SPRED2: variants seen among roughly 807,000 people sequenced by gnomAD.
The protein encoded by SPRED2 is sprouty related EVH1 domain containing 2.
A neutral mutation model predicts 43.0 loss-of-function variants in SPRED2; 47 were observed. The observed-to-expected ratio is 1.09, with a 90% CI of 0.87 to 1.40. SPRED2 has a LOEUF of 1.40. SPRED2 is among the 40% of genes most tolerant of loss of function. The pLI is 0.00. For missense variants in SPRED2, 561 were observed against 586.4 expected, an observed-to-expected ratio of 0.96 and a Z score of 0.45; for synonymous variants, 225 against 225.7, an observed-to-expected ratio of 1.00 and a Z score of 0.03.
intron 1 of SPRED2, among the ~76,000 whole-genome samples, chr2:65,363,001 TTTTG>T (rs1354469510): frequency 5.5e-5 from 4 of 73,006 alleles, no homozygotes; most frequent in African/African-American, 3.3e-4. Flanking sequence ...GGTCATCATG[TTTTG>T]TTTTTTTTTT....
rs748633096 is a variant in SPRED2, at chr2:65,431,983, G to A, written c.5C>T (p.Thr2Ile). Residue 2 changes from threonine to isoleucine, a missense_variant, in exon 1 of 6, where the codon ACC (threonine) becomes ATC (isoleucine). Thr to Ile is a moderately conservative substitution (Grantham distance 89). Around this residue, in one of 6 missense-constraint regions of SPRED2, gnomAD observed 305 missense variants for 282.4 expected, o/e 1.08. Transcript: ENST00000356388. M[T>I]EETHPDDDSY... ...TTACTCGTCTGGGTGTGTTTCTTCG[G>A]TCATTTTCTTGTTCACCTAGACGCC... The A allele has an allele frequency of 1.2e-6, 2 of 1,613,980 alleles. No individual in the cohort carries two copies. The highest frequency in any genetic ancestry group is 2.2e-5 in the South Asian group (2 of 91,086).
At position 65,382,452 on chromosome 2, in the gene SPRED2, AC is replaced by A. The variant is rs532234213; in HGVS notation, c.27-37557del. 4.0e-3 allele frequency among the ~76,000 whole-genome samples: 611 copies of A among 152,104 alleles called. 4 individuals are homozygous for A. Among genetic ancestry groups the A allele is most frequent in the African/African-American group, 0.014 (589 of 41,476 alleles). Reference sequence around the variant, plus strand: ...GGCAGTCTAGGGTTAGGGCTGGGTAACCCCCCCTCAGCCAGACCACTAAGGA... The same window carrying A: ...GGCAGTCTAGGGTTAGGGCTGGGTAACCCCCCTCAGCCAGACCACTAAGGA... On this transcript the variant is annotated intron_variant, in intron 1 of 5. Transcript: ENST00000356388.
chr2:65,429,893 A>C (rs1238022935), intron 1 of SPRED2, among the ~76,000 whole-genome samples: 1 of 152,190 alleles, frequency 6.6e-6, no homozygotes, highest in African/African-American at 2.4e-5. Context: ...CCTGAAATGG[A>C]GCTATTCTTT....
intron 1 of SPRED2, among the ~76,000 whole-genome samples, chr2:65,422,340 A>G (rs1676449694): frequency 6.6e-6 from 1 of 152,138 alleles, no homozygotes; most frequent in South Asian, 2.1e-4. Context: ...AAAGGAAAAC[A>G]ACTCTAGTTA....
intron 1 of SPRED2, among the ~76,000 whole-genome samples, chr2:65,400,283 ATT>A (rs1218172752): frequency 6.6e-6 from 1 of 152,100 alleles, no homozygotes; most frequent in African/African-American, 2.4e-5. Flanking sequence ...CCATGGTTAT[ATT>A]TTCTTTCTTA....
At chr2:65,409,691 C>CAAAA (rs59225849) in intron 1 of SPRED2, among the ~76,000 whole-genome samples, 29 of 90,158 alleles carry the variant, frequency 3.2e-4, no homozygotes, top group African/African-American at 7.0e-4. Flanking sequence ...CAGTTTCCTG[C>CAAAA]AAAAAAAAAA....
chr2:65,416,830 T>G (rs1465117439), intron 1 of SPRED2, among the ~76,000 whole-genome samples: 1 of 152,182 alleles, frequency 6.6e-6, no homozygotes, highest in African/African-American at 2.4e-5. Flanking sequence ...GTCTCAAGCC[T>G]AGGTTTGTAG....
intron 4 of SPRED2, among the ~76,000 whole-genome samples, chr2:65,329,162 T>C (rs1673733215): frequency 6.6e-6 from 1 of 152,164 alleles, no homozygotes; most frequent in African/African-American, 2.4e-5. Flanking sequence ...TAAATATCTG[T>C]CTTACCAGTA....
chr2:65,338,134 G>T (rs893594515), intron 2 of SPRED2, among the ~76,000 whole-genome samples: 1 of 150,878 alleles, frequency 6.6e-6, no homozygotes, highest in South Asian at 2.1e-4. Flanking sequence ...TATTGAAAGT[G>T]AAAGAGTCCC....
intron 4 of SPRED2, among the ~76,000 whole-genome samples, chr2:65,326,636 T>C (rs1027311835): frequency 1.3e-5 from 2 of 152,100 alleles, no homozygotes; most frequent in African/African-American, 2.4e-5. Context: ...GATTCTTTCA[T>C]TGTGAAATTA....
chr2:65,422,104 A>ACACACACACACTCTCTCTCTCTCTCT (rs1299857849), intron 1 of SPRED2, among the ~76,000 whole-genome samples: 1 of 128,938 alleles, frequency 7.8e-6, no homozygotes, highest in Non-Finnish European at 1.7e-5. Context: ...ACACACACAC[A>ACACACACACACTCTCTCTCTCTCTCT]CTCTCTCTCT....
chr2:65,406,931 CT>C (rs571460201), intron 1 of SPRED2, among the ~76,000 whole-genome samples: 7,763 of 143,670 alleles, frequency 0.054, 269 homozygotes, highest in Middle Eastern at 0.14. Flanking sequence ...TTTAGTCTCT[CT>C]TTTTTTTTTT....
At chr2:65,372,773 C>T (rs186121524) in intron 1 of SPRED2, among the ~76,000 whole-genome samples, 1 of 152,184 alleles carries the variant, frequency 6.6e-6, no homozygotes, top group South Asian at 2.1e-4. Context: ...CCTTAAGGAG[C>T]ACTTGCACCA....
At position 65,378,479 on chromosome 2, in the gene SPRED2, A is replaced by G. The variant is rs76953351; in HGVS notation, c.27-33583T>C. On this transcript the variant is annotated intron_variant, in intron 1 of 5. Transcript: ENST00000356388. ...TGTGTGTGGGGCGGAGGAGACATGAATGACAGCTGGGTGATGAGTACATGG... is the reference window on the plus strand; with the variant it reads ...TGTGTGTGGGGCGGAGGAGACATGAGTGACAGCTGGGTGATGAGTACATGG... Among the ~76,000 whole-genome samples the G allele has an allele frequency of 2.0e-3, 312 of 152,318 alleles. 3 individuals carry two copies. In the East Asian group the frequency reaches 0.04, roughly 20 times the overall value.
Position 65,406,791 on chromosome 2 carries a change from G to A in SPRED2, c.26+25171C>T, listed in dbSNP as rs192449759. Among the ~76,000 whole-genome samples, 402 of 152,310 alleles carry A rather than the reference G, an allele frequency of 2.6e-3. 1 individual carries two copies. The highest frequency in any genetic ancestry group is 4.6e-3 in the Non-Finnish European group (310 of 68,034). ...CCAGAATGGCCTGATAAAGGCAGCCGCACTTCCTTAGAGATAAAATCCACC... is the reference window on the plus strand; with the variant it reads ...CCAGAATGGCCTGATAAAGGCAGCCACACTTCCTTAGAGATAAAATCCACC... On this transcript the variant is annotated intron_variant, in intron 1 of 5. Transcript: ENST00000356388.
intron 1 of SPRED2, among the ~76,000 whole-genome samples, chr2:65,376,450 TAA>T (rs1675239855): frequency 6.6e-6 from 1 of 152,224 alleles, no homozygotes; most frequent in African/African-American, 2.4e-5. Context: ...TTTTTCTTTT[TAA>T]TTTTATTAAT....
intron 2 of SPRED2, among the ~76,000 whole-genome samples, chr2:65,342,581 T>C (rs1435984494): frequency 4.2e-4 from 64 of 152,096 alleles, no homozygotes; most frequent in Non-Finnish European, 3.1e-4. Context: ...CATAAAAATA[T>C]GACCTCCTAA....
chr2:65,366,731 C>G, intron 1 of SPRED2: 1 of 1,498,764 alleles, frequency 6.7e-7, no homozygotes, highest in South Asian at 1.3e-5. Flanking sequence ...GTGGTTTCCC[C>G]CATATATGAT....
At chr2:65,349,077 G>A (rs1674431948) in intron 1 of SPRED2, among the ~76,000 whole-genome samples, 2 of 152,210 alleles carry the variant, frequency 1.3e-5, no homozygotes, top group South Asian at 2.1e-4. Flanking sequence ...GGGAGGCTGA[G>A]GCGGCCGGAT....
Sources: allele counts gnomAD v4.1 joint callset (sites outside exome capture counted in the v4.1 genomes callset), GRCh38; gene constraint gnomAD v4.1.1; regional missense constraint gnomAD v4.1.1; transcripts MANE v1.5; gene names NCBI Gene and HGNC (gene_info 2026-07-23, HGNC 2026-07-21).